The following SPOCK1 variants were observed in gnomAD, a reference collection of about 807,000 sequenced individuals.
SPOCK1 encodes testican-1.
In SPOCK1, 23 loss-of-function variants were observed where a neutral mutation model predicts 55.3. That is an observed-to-expected ratio of 0.42 (90% CI 0.30 to 0.59). The LOEUF is 0.59. Among genes scored for constraint, SPOCK1 ranks in the 20% least tolerant of loss-of-function variants. SPOCK1 has a pLI of 0.22. For missense variants in SPOCK1, 499 were observed against 552.5 expected (o/e 0.90, Z 0.97); for synonymous variants, 226 against 221.0 (o/e 1.02, Z -0.20).
intron 2 of SPOCK1, among the ~76,000 whole-genome samples, chr5:137,349,944 G>A (rs1750639919): frequency 6.6e-6 from 1 of 152,098 alleles, no homozygotes; most frequent in African/African-American, 2.4e-5. Context: ...CTTTTTGGGA[G>A]GATACAATTC....
At chr5:137,188,277 T>C (rs1263815291) in intron 3 of SPOCK1, among the ~76,000 whole-genome samples, 2 of 152,238 alleles carry the variant, frequency 1.3e-5, no homozygotes, top group East Asian at 1.9e-4. Context: ...TCTTATCTTA[T>C]GGCGCTTTGC....
chr5:137,123,119 G>A (rs996337105), intron 4 of SPOCK1, among the ~76,000 whole-genome samples: 6 of 152,310 alleles, frequency 3.9e-5, no homozygotes, highest in South Asian at 4.1e-4. Flanking sequence ...TCACAAAAGC[G>A]CTACAGGAGG....
chr5:137,406,012 G>C (rs1467033593), intron 2 of SPOCK1, among the ~76,000 whole-genome samples: 1 of 152,228 alleles, frequency 6.6e-6, no homozygotes, highest in Non-Finnish European at 1.5e-5. Context: ...CCTTGATTCA[G>C]AGTCCCCAGG....
intron 3 of SPOCK1, among the ~76,000 whole-genome samples, chr5:137,153,130 T>A (rs758814716): frequency 1.1e-4 from 17 of 152,356 alleles, no homozygotes; most frequent in Middle Eastern, 3.4e-3. Context: ...TAACCACTAC[T>A]CTAGCCTGCT....
chr5:137,382,641 G>C (rs1042703473), intron 2 of SPOCK1, among the ~76,000 whole-genome samples: 7 of 152,156 alleles, frequency 4.6e-5, no homozygotes, highest in Non-Finnish European at 8.8e-5. Context: ...AAGGGGGGAA[G>C]TGCCACACAC....
intron 4 of SPOCK1, among the ~76,000 whole-genome samples, chr5:137,118,038 A>C (rs190492356): frequency 5.1e-4 from 77 of 152,318 alleles, no homozygotes; most frequent in Admixed American, 1.3e-3. Context: ...CTAGAGCAAA[A>C]ATTCAAACAC....
At chr5:137,037,841 G>T (rs1012717154) in intron 6 of SPOCK1, among the ~76,000 whole-genome samples, 1 of 152,194 alleles carries the variant, frequency 6.6e-6, no homozygotes, top group Non-Finnish European at 1.5e-5. Flanking sequence ...GGTGACCCAG[G>T]GGTGCTGGTC....
intron 6 of SPOCK1, among the ~76,000 whole-genome samples, chr5:136,994,538 TTTGA>T (rs1477519969): frequency 2.7e-5 from 4 of 145,724 alleles, no homozygotes; most frequent in African/African-American, 4.9e-5. Flanking sequence ...CACCTATGAT[TTTGA>T]TTATTATTAC....
chr5:137,447,797 T>A (rs1481427403), intron 2 of SPOCK1, among the ~76,000 whole-genome samples: 3 of 152,142 alleles, frequency 2.0e-5, no homozygotes, highest in Non-Finnish European at 4.4e-5. Context: ...CCTAAATAAA[T>A]TTAATCCACC....
At chr5:137,316,000 G>C (rs1169110524) in intron 2 of SPOCK1, among the ~76,000 whole-genome samples, 1 of 152,176 alleles carries the variant, frequency 6.6e-6, no homozygotes, top group Admixed American at 6.5e-5. Flanking sequence ...TTGAAGGCTT[G>C]GCTGGTCGTT....
At chr5:137,316,867 C>T (rs1269044999) in intron 2 of SPOCK1, among the ~76,000 whole-genome samples, 6 of 152,190 alleles carry the variant, frequency 3.9e-5, no homozygotes, top group East Asian at 3.8e-4. Flanking sequence ...AGCGTGGGCC[C>T]GCTCTGTGCC....
chr5:137,412,714 G>T (rs1752236047), intron 2 of SPOCK1, among the ~76,000 whole-genome samples: 1 of 152,242 alleles, frequency 6.6e-6, no homozygotes, highest in Non-Finnish European at 1.5e-5. Context: ...ACCTGGGCCT[G>T]TGATCCAAGG....
At chr5:137,020,905 T>C (rs975937798) in intron 6 of SPOCK1, among the ~76,000 whole-genome samples, 2 of 151,902 alleles carry the variant, frequency 1.3e-5, no homozygotes, top group Non-Finnish European at 2.9e-5. Context: ...AGAAAAGAAG[T>C]GTTGGTGAGG....
chr5:136,986,540 T>A (rs1195878161), intron 8 of SPOCK1, among the ~76,000 whole-genome samples: 2 of 151,990 alleles, frequency 1.3e-5, no homozygotes, highest in African/African-American at 4.8e-5. Flanking sequence ...AAATTGAAAA[T>A]GAAGAGAAAA....
intron 2 of SPOCK1, among the ~76,000 whole-genome samples, chr5:137,490,529 G>C (rs1754152239): frequency 1.3e-5 from 2 of 152,134 alleles, no homozygotes; most frequent in African/African-American, 4.8e-5. Flanking sequence ...CCCATCCCCT[G>C]GTGCCCATAA....
intron 6 of SPOCK1, among the ~76,000 whole-genome samples, chr5:137,025,957 G>A (rs534078971): frequency 6.2e-4 from 95 of 152,338 alleles, no homozygotes; most frequent in African/African-American, 2.2e-3. Flanking sequence ...AATACATTGC[G>A]AAGGAAAATT....
chr5:137,142,009 G>A (rs1418091578), intron 3 of SPOCK1, among the ~76,000 whole-genome samples: 2 of 152,172 alleles, frequency 1.3e-5, no homozygotes, highest in Non-Finnish European at 2.9e-5. Flanking sequence ...AGGCCTCGGG[G>A]AATTCTCTGC....
intron 2 of SPOCK1, among the ~76,000 whole-genome samples, chr5:137,489,460 ACC>A (rs1251266571): frequency 6.6e-6 from 1 of 152,222 alleles, no homozygotes; most frequent in Non-Finnish European, 1.5e-5. Context: ...AGGACATTTG[ACC>A]ACAGAGGGAA....
At chr5:137,056,591 C>CT (rs1366523734) in intron 6 of SPOCK1, among the ~76,000 whole-genome samples, 24 of 144,138 alleles carry the variant, frequency 1.7e-4, no homozygotes, top group East Asian at 5.9e-4. Flanking sequence ...TAAAAAAGGA[C>CT]TTTTATTTTT....
Sources: gnomAD v4.1 joint callset for allele counts (sites outside exome capture counted in the v4.1 genomes callset) on GRCh38, gnomAD v4.1.1 for gene constraint, MANE v1.5 for transcripts, NCBI Gene and HGNC (gene_info 2026-07-23, HGNC 2026-07-21) for gene names.